Variants in DENND1A observed in about 807,000 individuals in gnomAD.
DENND1A encodes DENN domain containing 1A.
DENND1A carries 51 observed loss-of-function variants against 113.7 expected under a neutral mutation model. The ratio of observed to expected loss-of-function variants is 0.45; its 90% CI spans 0.36 to 0.57. DENND1A has a LOEUF of 0.57. Ranked by LOEUF, DENND1A falls within the 20% of genes least tolerant of loss-of-function variation. The pLI is 0.00. For missense variants in DENND1A, 1,258 were observed against 1,395.9 expected, an observed-to-expected ratio of 0.90 and a Z score of 1.57; for synonymous variants, 565 against 570.8, an observed-to-expected ratio of 0.99 and a Z score of 0.14.
At chr9:123,909,813 A>T (rs1238811813) in intron 1 of DENND1A, among the ~76,000 whole-genome samples, 1 of 152,206 alleles carries the variant, frequency 6.6e-6, no homozygotes, top group Non-Finnish European at 1.5e-5. Flanking sequence ...ACATCATTAG[A>T]ATTAAGTACA....
intron 5 of DENND1A, chr9:123,751,965 T>C (rs2070085437): frequency 6.6e-6 from 1 of 152,234 alleles, no homozygotes; most frequent in African/African-American, 2.4e-5. Context: ...TATGTTTTCA[T>C]TACTTGTTTA....
intron 3 of DENND1A, among the ~76,000 whole-genome samples, chr9:123,789,534 G>A (rs1832695652): frequency 1.3e-5 from 2 of 152,084 alleles, no homozygotes. Flanking sequence ...TGAAACTGAT[G>A]AACTTTTACT....
At chr9:123,653,634 T>C (rs2062779356) in intron 8 of DENND1A, among the ~76,000 whole-genome samples, 1 of 152,208 alleles carries the variant, frequency 6.6e-6, no homozygotes, top group African/African-American at 2.4e-5. Flanking sequence ...GGATGTGACA[T>C]GATTCAGTCC....
At chr9:123,485,123 G>T (rs576706570) in intron 13 of DENND1A, among the ~76,000 whole-genome samples, 1 of 152,336 alleles carries the variant, frequency 6.6e-6, no homozygotes, top group South Asian at 2.1e-4. Context: ...GATCCCCAGT[G>T]TTGGGGGAGC....
At chr9:123,525,678 T>G (rs1256000901) in intron 13 of DENND1A, among the ~76,000 whole-genome samples, 2 of 151,416 alleles carry the variant, frequency 1.3e-5, no homozygotes, top group East Asian at 3.9e-4. Flanking sequence ...GTCCACTTTC[T>G]CCTCACAAAT....
chr9:123,885,029 A>ACACT (rs1190166647), intron 1 of DENND1A, among the ~76,000 whole-genome samples: 1 of 140,992 alleles, frequency 7.1e-6, no homozygotes, highest in Non-Finnish European at 1.5e-5. Flanking sequence ...ACACACACAC[A>ACACT]CTCACTCTCT....
At chr9:123,891,680 G>A (rs1215525607) in intron 1 of DENND1A, among the ~76,000 whole-genome samples, 2 of 152,162 alleles carry the variant, frequency 1.3e-5, no homozygotes, top group Non-Finnish European at 2.9e-5. Context: ...TATACCGGCA[G>A]TAGCAGGCTA....
intron 2 of DENND1A, among the ~76,000 whole-genome samples, chr9:123,824,320 C>A (rs1838971593): frequency 6.6e-6 from 1 of 152,160 alleles, no homozygotes; most frequent in African/African-American, 2.4e-5. Context: ...GTAACAAGAC[C>A]TTTAACTCGC....
At chr9:123,826,792 C>T (rs931843539) in intron 2 of DENND1A, among the ~76,000 whole-genome samples, 6 of 152,188 alleles carry the variant, frequency 3.9e-5, no homozygotes, top group African/African-American at 1.4e-4. Context: ...GGATTAAGCA[C>T]CAACTAGATT....
intron 2 of DENND1A, among the ~76,000 whole-genome samples, chr9:123,800,719 T>C (rs1834502824): frequency 1.3e-5 from 2 of 152,206 alleles, no homozygotes; most frequent in Non-Finnish European, 2.9e-5. Flanking sequence ...AAGTTCAGGA[T>C]ATAAATAAAA....
intron 9 of DENND1A, among the ~76,000 whole-genome samples, chr9:123,638,991 G>C (rs1279834560): frequency 9.6e-6 from 1 of 104,184 alleles, no homozygotes; most frequent in African/African-American, 3.8e-5. Flanking sequence ...CACACATGAA[G>C]AAACTAAGGA....
At chr9:123,680,941 C>G (rs1361070586) in intron 5 of DENND1A, among the ~76,000 whole-genome samples, 2 of 152,112 alleles carry the variant, frequency 1.3e-5, no homozygotes, top group Non-Finnish European at 2.9e-5. Flanking sequence ...AGCAGGACAT[C>G]AGACTCAGGT....
At chr9:123,394,875 T>C (rs1316512535) in intron 21 of DENND1A, among the ~76,000 whole-genome samples, 2 of 152,194 alleles carry the variant, frequency 1.3e-5, no homozygotes, top group East Asian at 3.9e-4. Flanking sequence ...ATCTGGAGAC[T>C]GAGTTCTGGG....
chr9:123,810,134 T>C (rs887728930), intron 2 of DENND1A, among the ~76,000 whole-genome samples: 1 of 152,178 alleles, frequency 6.6e-6, no homozygotes, highest in African/African-American at 2.4e-5. Flanking sequence ...CTATATGGAA[T>C]AACAAAGATT....
At chr9:123,848,668 G>A (rs186172784) in intron 2 of DENND1A, among the ~76,000 whole-genome samples, 4 of 152,268 alleles carry the variant, frequency 2.6e-5, no homozygotes, top group East Asian at 1.9e-4. Flanking sequence ...TAGCAGTGAC[G>A]AAGGCATATT....
intron 9 of DENND1A, 110 bp from the exon 10 acceptor site, chr9:123,630,586 T>A: frequency 1.6e-6 from 1 of 643,608 alleles, no homozygotes. Flanking sequence ...CATGATAAGC[T>A]GAAAAACCTG....
chr9:123,859,546 C>T (rs534093818), intron 2 of DENND1A, among the ~76,000 whole-genome samples: 1 of 151,930 alleles, frequency 6.6e-6, no homozygotes, highest in Non-Finnish European at 1.5e-5. Context: ...TTTCTGACTC[C>T]ATGCACCACT....
At chr9:123,890,739 C>T (rs146332500) in intron 1 of DENND1A, among the ~76,000 whole-genome samples, 1 of 152,174 alleles carries the variant, frequency 6.6e-6, no homozygotes, top group African/African-American at 2.4e-5. Flanking sequence ...CAAGTTCACA[C>T]AGTTTGTAAG....
chr9:123,870,003 CAAAAAAAAA>C (rs11430845), intron 2 of DENND1A, among the ~76,000 whole-genome samples: 6 of 78,596 alleles, frequency 7.6e-5, no homozygotes, highest in Middle Eastern at 6.2e-3. Context: ...GACCCTGTCT[CAAAAAAAAA>C]AAAAAAAAAA....
Sources: gnomAD v4.1 joint callset for allele counts (sites outside exome capture counted in the v4.1 genomes callset) on GRCh38, gnomAD v4.1.1 for gene constraint, MANE v1.5 for transcripts, NCBI Gene and HGNC (gene_info 2026-07-23, HGNC 2026-07-21) for gene names.